Variants in C12orf42 observed in about 807,000 individuals in gnomAD.
C12orf42 encodes the protein chromosome 12 open reading frame 42, also known as uncharacterized protein C12orf42.
A neutral mutation model predicts 21.6 loss-of-function variants in C12orf42; 25 were observed. That is an observed-to-expected ratio of 1.16 (90% confidence interval 0.84 to 1.62). The LOEUF is 1.62. Ranked by LOEUF, C12orf42 falls within the 40% of genes most tolerant of loss-of-function variation. C12orf42 has a pLI of 0.00. For synonymous variants in C12orf42, 174 were observed against 175.0 expected (o/e 0.99, Z 0.05); for missense variants, 483 against 459.3 (o/e 1.05, Z -0.47).
chr12:103,155,671 T>TATACATACATATGTATATATACACATAC, the C12orf42 span, among the ~76,000 whole-genome samples: 42,981 of 148,820 alleles, frequency 0.29, 6,607 homozygotes, highest in East Asian at 0.39. Flanking sequence ...TATACATATA[T>TATACATACATATGTATATATACACATAC]ATACATACAT....
chr12:103,345,731 G>A (rs1157244765), intron 4 of C12orf42, among the ~76,000 whole-genome samples: 1 of 152,092 alleles, frequency 6.6e-6, no homozygotes, highest in Non-Finnish European at 1.5e-5. Flanking sequence ...AGGGATAAAT[G>A]TTTAATTCAA....
intron 2 of C12orf42, among the ~76,000 whole-genome samples, chr12:103,418,511 G>A (rs1459596504): frequency 1.3e-5 from 2 of 151,914 alleles, no homozygotes; most frequent in African/African-American, 4.8e-5. Context: ...TTTTTTAACT[G>A]TCTGCATATA....
chr12:103,159,151 G>A, the C12orf42 span, among the ~76,000 whole-genome samples: 5 of 152,140 alleles, frequency 3.3e-5, no homozygotes, highest in Non-Finnish European at 7.3e-5. Context: ...GGCAAGTAAA[G>A]CTTCTTCCAT....
chr12:103,563,267 G>C, the C12orf42 span, among the ~76,000 whole-genome samples: 1 of 152,082 alleles, frequency 6.6e-6, no homozygotes, highest in South Asian at 2.1e-4. Flanking sequence ...GTGTATCCTG[G>C]ACTAAGCCCA....
the C12orf42 span, among the ~76,000 whole-genome samples, chr12:103,051,067 T>A: frequency 1.6e-4 from 25 of 152,166 alleles, no homozygotes; most frequent in Admixed American, 1.6e-3. Flanking sequence ...GGAAAGAAGA[T>A]AAAACTAAAA....
At chr12:103,293,955 T>C (rs2036982257) in intron 4 of C12orf42, among the ~76,000 whole-genome samples, 1 of 152,170 alleles carries the variant, frequency 6.6e-6, no homozygotes, top group Admixed American at 6.6e-5. Flanking sequence ...TATCTAGGTC[T>C]CACTGAATTA....
the C12orf42 span, among the ~76,000 whole-genome samples, chr12:103,083,391 A>G: frequency 6.6e-6 from 1 of 152,218 alleles, no homozygotes; most frequent in East Asian, 1.9e-4. Flanking sequence ...TACAAAGTCT[A>G]AGCACACAGT....
the C12orf42 span, among the ~76,000 whole-genome samples, chr12:103,059,641 C>A: frequency 6.6e-6 from 1 of 152,202 alleles, no homozygotes; most frequent in Non-Finnish European, 1.5e-5. Flanking sequence ...ATCAAGTCAG[C>A]TTCATCCCAA....
intron 2 of C12orf42, among the ~76,000 whole-genome samples, chr12:103,455,387 A>C (rs1308815167): frequency 6.6e-6 from 1 of 152,156 alleles, no homozygotes; most frequent in Non-Finnish European, 1.5e-5. Flanking sequence ...AAAAGCAGAA[A>C]TGTCTATCTT....
At chr12:103,146,578 A>AAGAAAGAAAGAT in the C12orf42 span, among the ~76,000 whole-genome samples, 2 of 150,636 alleles carry the variant, frequency 1.3e-5, no homozygotes, top group East Asian at 3.9e-4. Flanking sequence ...GAAAGAAAGA[A>AAGAAAGAAAGAT]AGAAAGAAAG....
At chr12:103,230,579 C>G in the C12orf42 span, among the ~76,000 whole-genome samples, 1 of 152,198 alleles carries the variant, frequency 6.6e-6, no homozygotes, top group African/African-American at 2.4e-5. Flanking sequence ...GTGTCCATCA[C>G]AGAGTCATCT....
chr12:103,069,314 A>T, the C12orf42 span, among the ~76,000 whole-genome samples: 1 of 151,766 alleles, frequency 6.6e-6, no homozygotes, highest in East Asian at 1.9e-4. Context: ...GTTTATACAG[A>T]TTTTCCTCAA....
chr12:103,505,756 A>G, the C12orf42 span: 62 of 209,622 alleles, frequency 3.0e-4, no homozygotes, highest in Non-Finnish European at 4.5e-4. Context: ...GTCACCACAC[A>G]GCTGATCACG....
the C12orf42 span, among the ~76,000 whole-genome samples, chr12:103,205,723 A>G: frequency 2.6e-5 from 4 of 152,180 alleles, no homozygotes; most frequent in Non-Finnish European, 5.9e-5. Context: ...GAAGCAGTCC[A>G]ATGTCTCTAT....
At chr12:103,530,726 C>T in the C12orf42 span, among the ~76,000 whole-genome samples, 2 of 152,110 alleles carry the variant, frequency 1.3e-5, no homozygotes, top group African/African-American at 4.8e-5. Flanking sequence ...CAGAATCACT[C>T]TTCAGTGTGT....
chr12:103,348,621 GCT>G (rs1158465196), intron 4 of C12orf42, among the ~76,000 whole-genome samples: 1 of 152,084 alleles, frequency 6.6e-6, no homozygotes, highest in African/African-American at 2.4e-5. Context: ...TGTCTTGAAG[GCT>G]CAGAAAAACC....
the C12orf42 span, among the ~76,000 whole-genome samples, chr12:103,205,994 C>CATGTTCCCTTCTCA: frequency 6.6e-6 from 1 of 152,130 alleles, no homozygotes; most frequent in African/African-American, 2.4e-5. Flanking sequence ...CCTTCTCAGC[C>CATGTTCCCTTCTCA]GCTGAGAATA....
chr12:103,300,907 ATATT>A (rs1206935803), downstream of C12orf42, among the ~76,000 whole-genome samples: 4 of 152,170 alleles, frequency 2.6e-5, no homozygotes, highest in African/African-American at 4.8e-5. Context: ...AAATAAAAGC[ATATT>A]TATTATTAAA....
chr12:103,335,078 A>T (rs2041575943), intron 4 of C12orf42, among the ~76,000 whole-genome samples: 1 of 152,232 alleles, frequency 6.6e-6, no homozygotes, highest in African/African-American at 2.4e-5. Context: ...GAGAGGCTGG[A>T]ATCCAATGGG....
Sources: gnomAD v4.1 joint callset for allele counts (sites outside exome capture counted in the v4.1 genomes callset) on GRCh38, gnomAD v4.1.1 for gene constraint, MANE v1.5 for transcripts, NCBI Gene and HGNC (gene_info 2026-07-23, HGNC 2026-07-21) for gene names.